The following GYPC variants were observed in gnomAD, a reference collection of about 807,000 sequenced individuals.
The protein encoded by GYPC is glycophorin-C.
A neutral mutation model predicts 12.6 loss-of-function variants in GYPC; 14 were observed. The ratio of observed to expected loss-of-function variants is 1.11; its 90% CI spans 0.74 to 1.74. The LOEUF is 1.74. GYPC is among the 40% of genes most tolerant of loss of function. The pLI, the probability that GYPC is intolerant of heterozygous loss-of-function variation, is 0.00. For synonymous variants in GYPC, 78 were observed against 62.1 expected (o/e 1.26, Z -1.20); for missense variants, 225 against 172.1 (o/e 1.31, Z -1.72).
At chr2:126,661,863 C>T (rs1309010578) in intron 1 of GYPC, among the ~76,000 whole-genome samples, 3 of 152,178 alleles carry the variant, frequency 2.0e-5, no homozygotes, top group South Asian at 4.1e-4. Flanking sequence ...GGAAGCTCCG[C>T]TTCGGGGCAT....
intron 3 of GYPC, among the ~76,000 whole-genome samples, chr2:126,694,359 T>G (rs188812246): frequency 3.2e-4 from 48 of 152,246 alleles, no homozygotes; most frequent in South Asian, 1.0e-3. Context: ...GGAAACTTGA[T>G]CCTGCCTTTG....
rs897785993 is a variant in GYPC at position 126,696,494 on chromosome 2, C to T, written c.*352C>T. 1 of 358,796 alleles carries T rather than the reference C, an allele frequency of 2.8e-6. No individual in the cohort carries two copies. The highest frequency in any genetic ancestry group is 2.1e-5 in the African/African-American group (1 of 47,524). 22.2% of individuals were successfully genotyped at this position (358,796 alleles called of 1,614,324 possible). ...TTGAGGGTGAGGGGGTGCTGGGGTACCCGGGGGCTGGGGAAGCAAGGAAAT... is the reference window on the plus strand; with the variant it reads ...TTGAGGGTGAGGGGGTGCTGGGGTATCCGGGGGCTGGGGAAGCAAGGAAAT... On this transcript the variant is annotated 3_prime_UTR_variant, in exon 4 of 4. Transcript: ENST00000259254.
intron 1 of GYPC, among the ~76,000 whole-genome samples, chr2:126,669,275 C>T (rs886435586): frequency 7.9e-5 from 12 of 152,166 alleles, no homozygotes; most frequent in African/African-American, 1.7e-4. Context: ...TGTTGCCTGG[C>T]GACATTTGTC....
intron 2 of GYPC, among the ~76,000 whole-genome samples, chr2:126,691,927 TTC>T (rs1389457147): frequency 1.3e-5 from 2 of 152,184 alleles, no homozygotes; most frequent in African/African-American, 4.8e-5. Flanking sequence ...CAAGGTGTTA[TTC>T]TTTCTTTCTG....
chr2:126,696,263 G>C lies in GYPC; in HGVS notation c.*121G>C, dbSNP rs1029563143. ...AGAGAGAGAGCACTTGATTCTTCCC[G>C]AGATAGCCACCTGGAAACACTAGGT... On this transcript the variant is annotated 3_prime_UTR_variant, in exon 4 of 4. Transcript: ENST00000259254. The C allele has an allele frequency of 5.0e-6, 4 of 797,324 alleles. No homozygotes were observed. In the East Asian group the frequency reaches 1.1e-4, roughly 21 times the overall value. 49.4% of individuals were successfully genotyped at this position (797,324 alleles called of 1,614,324 possible).
chr2:126,682,362 G>T (rs1683171985), intron 1 of GYPC, among the ~76,000 whole-genome samples: 1 of 152,164 alleles, frequency 6.6e-6, no homozygotes, highest in African/African-American at 2.4e-5. Context: ...GAGCAGAAGG[G>T]TGTGTGCATG....
At chr2:126,671,519 A>G (rs1682855621) in intron 1 of GYPC, among the ~76,000 whole-genome samples, 1 of 152,170 alleles carries the variant, frequency 6.6e-6, no homozygotes, top group African/African-American at 2.4e-5. Context: ...CCGGGAGGCC[A>G]TCATTAGATT....
At chr2:126,687,891 T>C (rs1296000088) in intron 1 of GYPC, among the ~76,000 whole-genome samples, 1 of 145,370 alleles carries the variant, frequency 6.9e-6, no homozygotes, top group East Asian at 2.0e-4. Context: ...TCAAGCCAAA[T>C]ATCTCACCTG....
intron 1 of GYPC, among the ~76,000 whole-genome samples, chr2:126,673,634 A>G (rs1682913283): frequency 6.6e-6 from 1 of 152,222 alleles, no homozygotes; most frequent in Non-Finnish European, 1.5e-5. Context: ...GGTGTTTTCC[A>G]CAACCTCTGT....
intron 2 of GYPC, 95 bp from the exon 3 acceptor site, chr2:126,693,769 C>T: frequency 1.2e-6 from 1 of 852,926 alleles, no homozygotes; most frequent in Non-Finnish European, 2.1e-6. Flanking sequence ...CTCAGAGCTG[C>T]TCACACCTGA....
chr2:126,684,985 C>A (rs1213161232), intron 1 of GYPC, among the ~76,000 whole-genome samples: 1 of 152,170 alleles, frequency 6.6e-6, no homozygotes, highest in Non-Finnish European at 1.5e-5. Flanking sequence ...AACTGCTTAG[C>A]CAACACTGGC....
At position 126,695,990 on chromosome 2, in the gene GYPC, G is replaced by A. The variant is rs150219760; in HGVS notation, c.235G>A (p.Val79Ile). Reference protein sequence around the residue: ...VAIVLVSLLFVMLRYMYRHKG... With the variant: ...VAIVLVSLLFIMLRYMYRHKG... ...CATCGTCCTAGTCTCCCTCCTCTTC[G>A]TCATGCTGCGCTACATGTACCGGCA... The change falls in exon 4 of 4, where the codon GTC becomes ATC. Residue 79 changes from valine to isoleucine, a missense_variant. By Grantham distance (29) the Val-to-Ile change is conservative. Transcript: ENST00000259254. The A allele has an allele frequency of 4.3e-5, 69 of 1,613,920 alleles. No homozygotes were observed. The highest frequency in any genetic ancestry group is 3.5e-4 in the African/African-American group (26 of 74,886).
At chr2:126,689,476 G>C (rs1342659461) in intron 1 of GYPC, among the ~76,000 whole-genome samples, 4 of 151,552 alleles carry the variant, frequency 2.6e-5, no homozygotes, top group African/African-American at 9.7e-5. Flanking sequence ...TTGAAATTTG[G>C]TTCCCAAGGT....
At chr2:126,672,630 A>C (rs1396229196) in intron 1 of GYPC, among the ~76,000 whole-genome samples, 1 of 152,200 alleles carries the variant, frequency 6.6e-6, no homozygotes, top group East Asian at 1.9e-4. Flanking sequence ...GCTCTGGGTC[A>C]GTGCGAGCCC....
chr2:126,666,598 T>G (rs1682685273), intron 1 of GYPC, among the ~76,000 whole-genome samples: 1 of 152,064 alleles, frequency 6.6e-6, no homozygotes. Context: ...TTCAGGCCAC[T>G]GAAACTCATT....
intron 3 of GYPC, among the ~76,000 whole-genome samples, chr2:126,695,100 G>A (rs1438531025): frequency 1.3e-5 from 2 of 152,208 alleles, no homozygotes; most frequent in Non-Finnish European, 2.9e-5. Flanking sequence ...GGGAATGGGA[G>A]CAGGGTAGGG....
chr2:126,661,108 G>A (rs959603781), intron 1 of GYPC, among the ~76,000 whole-genome samples: 6 of 152,210 alleles, frequency 3.9e-5, no homozygotes, highest in African/African-American at 2.4e-5. Context: ...CATTTCCCAT[G>A]TGCAGGCAGA....
At position 126,677,973 on chromosome 2, in the gene GYPC, G is replaced by A. The variant is rs1206433395; in HGVS notation, c.50-12282G>A. Among the ~76,000 whole-genome samples the A allele has an allele frequency of 3.3e-5, 5 of 152,210 alleles. No individual in the cohort carries two copies. The East Asian group carries it at 7.7e-4, about 23-fold the overall frequency. On this transcript the variant is annotated intron_variant, in intron 1 of 3. Coordinates refer to ENST00000259254, the MANE Select transcript of GYPC (RefSeq NM_002101.5). ...GCAGCGGCTCACGCCTGTAATCCCA[G>A]CACTTTGGGAGGCCAAGGTGGGCGG...
At chr2:126,677,452 TAA>T (rs541843380) in intron 1 of GYPC, among the ~76,000 whole-genome samples, 283 of 147,868 alleles carry the variant, frequency 1.9e-3, no homozygotes, top group Middle Eastern at 7.2e-3. Context: ...TGTGTGTGTA[TAA>T]GAGTGTGACA....
Sources: allele counts gnomAD v4.1 joint callset (sites outside exome capture counted in the v4.1 genomes callset), GRCh38; gene constraint gnomAD v4.1.1; transcripts MANE v1.5; gene names NCBI Gene and HGNC (gene_info 2026-07-23, HGNC 2026-07-21).